ABCA13: variants seen among roughly 807,000 people sequenced by gnomAD.
The protein encoded by ABCA13 is ATP-binding cassette sub-family A member 13.
Under a neutral mutation model 478.7 loss-of-function variants are expected in ABCA13, and 476 were observed. The ratio of observed to expected loss-of-function variants is 0.99; its 90% CI spans 0.92 to 1.07. The LOEUF (loss-of-function observed/expected upper bound fraction) is 1.07. ABCA13 is among the 50% of genes least tolerant of loss of function. The pLI, the probability that ABCA13 is intolerant of heterozygous loss-of-function variation, is 0.00. For missense variants in ABCA13, 6,060 were observed against 5,910.6 expected (o/e 1.03, Z -0.83); for synonymous variants, 2,252 against 2,158.9 (o/e 1.04, Z -1.20).
intron 15 of ABCA13, among the ~76,000 whole-genome samples, chr7:48,265,339 A>AT (rs1435977816): frequency 6.6e-6 from 1 of 151,632 alleles, no homozygotes; most frequent in Non-Finnish European, 1.5e-5. Flanking sequence ...CTGGAATTTT[A>AT]ACCAGGATTG....
intron 43 of ABCA13, among the ~76,000 whole-genome samples, chr7:48,459,482 T>C (rs760646079): frequency 7.2e-5 from 11 of 152,066 alleles, no homozygotes; most frequent in Non-Finnish European, 1.5e-4. Context: ...CTCTATACAC[T>C]CTAATGTTCC....
At chr7:48,579,834 T>A (rs1468697090) in intron 55 of ABCA13, among the ~76,000 whole-genome samples, 4 of 152,170 alleles carry the variant, frequency 2.6e-5, no homozygotes, top group Admixed American at 2.6e-4. Flanking sequence ...TAAGAGTCTC[T>A]CCAGTTCAGA....
At chr7:48,352,830 G>A (rs538047415) in intron 31 of ABCA13, among the ~76,000 whole-genome samples, 1 of 152,104 alleles carries the variant, frequency 6.6e-6, no homozygotes, top group South Asian at 2.1e-4. Context: ...GGAAAACTGA[G>A]GGAGGTTATT....
chr7:48,324,090 C>T (rs888048876), intron 27 of ABCA13, among the ~76,000 whole-genome samples: 21 of 152,172 alleles, frequency 1.4e-4, no homozygotes, highest in Non-Finnish European at 1.5e-5. Context: ...CAGACTAATA[C>T]AGCCTGTATT....
intron 23 of ABCA13, among the ~76,000 whole-genome samples, chr7:48,299,244 A>G (rs772123136): frequency 2.6e-5 from 4 of 152,186 alleles, no homozygotes; most frequent in Non-Finnish European, 4.4e-5. Context: ...TCGTAAGTGA[A>G]CGTTGCAATT....
intron 5 of ABCA13, among the ~76,000 whole-genome samples, 170 bp downstream of exon 5, chr7:48,221,479 G>T (rs995396127): frequency 2.6e-5 from 4 of 152,228 alleles, no homozygotes; most frequent in African/African-American, 9.6e-5. Context: ...CGGGCTAAAA[G>T]ACAAGTTTGA....
intron 56 of ABCA13, among the ~76,000 whole-genome samples, chr7:48,582,587 G>GT (rs1370292955): frequency 1.3e-5 from 2 of 152,118 alleles, no homozygotes; most frequent in Non-Finnish European, 2.9e-5. Context: ...TATGATTCTA[G>GT]TGCAAGACCC....
chr7:48,249,172 T>C (rs1792148039), intron 14 of ABCA13, 40 bp from the exon 15 acceptor site: 15 of 1,562,772 alleles, frequency 9.6e-6, no homozygotes, highest in Middle Eastern at 4.0e-4. Flanking sequence ...GCAAGATCAT[T>C]TTTAAATTTT....
At chr7:48,385,504 T>C (rs1815045888) in intron 35 of ABCA13, among the ~76,000 whole-genome samples, 1 of 152,236 alleles carries the variant, frequency 6.6e-6, no homozygotes, top group Non-Finnish European at 1.5e-5. Flanking sequence ...TTTTTATGGC[T>C]GCATAGTAGT....
chr7:48,627,361 G>T (rs78099863), intron 59 of ABCA13, among the ~76,000 whole-genome samples: 2,382 of 152,262 alleles, frequency 0.016, 52 homozygotes, highest in African/African-American at 0.053. Context: ...GCACCTGCGT[G>T]ATGAAACCTA....
Position 48,309,992 on chromosome 7 carries a change from C to A in ABCA13, c.9367C>A (p.Gln3123Lys). 1 of 1,613,932 alleles carries A rather than the reference C, an allele frequency of 6.2e-7. No individual in the cohort carries two copies. Among genetic ancestry groups the A allele is most frequent in the African/African-American group, 1.3e-5 (1 of 75,038 alleles). Residue 3123 changes from glutamine (Q) to lysine (K), a missense_variant, in exon 24 of 62, where the codon CAG (glutamine) becomes AAG (lysine). Coordinates refer to ENST00000435803, the MANE Select transcript of ABCA13 (RefSeq NM_152701.5). The part of the protein sequence containing the change: ...LTVALSGKCD[Q>K]EILHLLLTFP... ...CGTAGCTCTGTCTGGAAAGTGTGAT[C>A]AGGAAATCCTTCATCTCCTGCTGAC...
At chr7:48,249,182 T>G in intron 14 of ABCA13, 30 bp from the exon 15 acceptor site, 1 of 1,576,064 alleles carries the variant, frequency 6.3e-7, no homozygotes, top group South Asian at 1.2e-5. Context: ...TTTTAAATTT[T>G]AATTTTCTCT....
At chr7:48,458,683 A>T (rs943197813) in intron 43 of ABCA13, among the ~76,000 whole-genome samples, 7 of 152,218 alleles carry the variant, frequency 4.6e-5, no homozygotes, top group Admixed American at 4.6e-4. Flanking sequence ...ACCAGAAGAA[A>T]TGCACTAGAG....
intron 39 of ABCA13, 52 bp from the exon 40 acceptor site, chr7:48,410,468 C>A (rs1818858537): frequency 3.7e-6 from 6 of 1,609,104 alleles, no homozygotes; most frequent in East Asian, 4.5e-5. Context: ...AGGGAAGGTC[C>A]TCCTGGGGCC....
Position 48,335,510 on chromosome 7 carries a change from G to A in ABCA13, c.10088G>A (p.Ser3363Asn), listed in dbSNP as rs777567652. Residue 3363 changes from serine to asparagine, a missense_variant, in exon 28 of 62, where the codon AGT (serine) becomes AAT (asparagine). This residue lies in a region of ABCA13 where 4,423 missense variants were observed against 4,309.1 expected (regional missense o/e 1.03). Coordinates refer to ENST00000435803, the MANE Select transcript of ABCA13 (RefSeq NM_152701.5). Reference sequence around the variant, plus strand: ...TCCAGCCTTTTCCAGAGAAGTGGAAGTGGCCAGATGTTCAACCAGCTGCAG... The same window carrying A: ...TCCAGCCTTTTCCAGAGAAGTGGAAATGGCCAGATGTTCAACCAGCTGCAG... ...EMSSLFQRSG[S>N]GQMFNQLQEA... The A allele has an allele frequency of 1.9e-6, 3 of 1,613,666 alleles. No individual in the cohort carries two copies. The highest frequency in any genetic ancestry group is 1.1e-5 in the South Asian group (1 of 91,012).
At chr7:48,439,559 C>T (rs1823301981) in intron 42 of ABCA13, among the ~76,000 whole-genome samples, 1 of 151,982 alleles carries the variant, frequency 6.6e-6, no homozygotes, top group Non-Finnish European at 1.5e-5. Context: ...ATGATATATG[C>T]AGGAGGATAT....
intron 32 of ABCA13, among the ~76,000 whole-genome samples, chr7:48,368,687 G>GTGTATA (rs1350848715): frequency 3.4e-4 from 42 of 122,752 alleles, no homozygotes; most frequent in African/African-American, 1.1e-3. Flanking sequence ...GTGTGTATGT[G>GTGTATA]TATATATATA....
chr7:48,187,043 A>T (rs938437570), intron 1 of ABCA13, among the ~76,000 whole-genome samples: 6 of 145,626 alleles, frequency 4.1e-5, no homozygotes, highest in Admixed American at 6.9e-5. Flanking sequence ...ATATCAGTGT[A>T]TACATATATA....
In ABCA13 at chr7:48,643,400, C is replaced by G. The variant is rs28610321; in HGVS notation, c.14943+7C>G. 194,132 of 1,583,882 alleles carry G rather than the reference C, an allele frequency of 0.12. 12,848 individuals are homozygous for G. Among genetic ancestry groups the G allele is most frequent in the East Asian group, 0.25 (11,286 of 44,676 alleles). On this transcript the variant is annotated splice_region_variant and intron_variant, in intron 60 of 61. Transcript: ENST00000435803. ...TCCAGGAATTCAGTTCAAGGTAGTG[C>G]TAATATCTTGTATTATTTCTTTGTT...
Sources: allele counts gnomAD v4.1 joint callset (sites outside exome capture counted in the v4.1 genomes callset), GRCh38; gene constraint gnomAD v4.1.1; regional missense constraint gnomAD v4.1.1; transcripts MANE v1.5; gene names NCBI Gene and HGNC (gene_info 2026-07-23, HGNC 2026-07-21).